Variants in CAMK1D observed in about 807,000 individuals in gnomAD.
The protein encoded by CAMK1D is calcium/calmodulin dependent protein kinase ID.
A neutral mutation model predicts 47.7 loss-of-function variants in CAMK1D; 9 were observed. The observed-to-expected ratio is 0.19, with a 90% confidence interval of 0.11 to 0.33. The LOEUF is 0.33. CAMK1D is among the 10% of genes least tolerant of loss of function. The pLI is 1.00. For missense variants in CAMK1D, 291 were observed against 488.7 expected, an observed-to-expected ratio of 0.60 and a Z score of 3.81; for synonymous variants, 184 against 184.9, an observed-to-expected ratio of 0.99 and a Z score of 0.04.
At chr10:12,689,675 C>T (rs1832796347) in intron 3 of CAMK1D, among the ~76,000 whole-genome samples, 1 of 151,764 alleles carries the variant, frequency 6.6e-6, no homozygotes, top group Non-Finnish European at 1.5e-5. Flanking sequence ...ACTCGGGAGG[C>T]TAAGGCAGGA....
intron 3 of CAMK1D, among the ~76,000 whole-genome samples, chr10:12,694,966 G>C (rs781754299): frequency 2.6e-5 from 4 of 151,814 alleles, no homozygotes; most frequent in Non-Finnish European, 5.9e-5. Flanking sequence ...AAATAAGTAA[G>C]TAAATAAATA....
intron 1 of CAMK1D, among the ~76,000 whole-genome samples, chr10:12,426,344 T>G (rs372883749): frequency 1.3e-5 from 2 of 152,162 alleles, no homozygotes; most frequent in African/African-American, 4.8e-5. Context: ...CCTCCCAGGT[T>G]CAAGTGATTC....
At chr10:12,385,060 T>C (rs1838450173) in intron 1 of CAMK1D, among the ~76,000 whole-genome samples, 1 of 152,216 alleles carries the variant, frequency 6.6e-6, no homozygotes, top group African/African-American at 2.4e-5. Flanking sequence ...TAGATGTCAC[T>C]TCATACCCGC....
chr10:12,822,499 G>T (rs1450534903), intron 8 of CAMK1D, among the ~76,000 whole-genome samples: 3 of 152,248 alleles, frequency 2.0e-5, no homozygotes, highest in African/African-American at 7.2e-5. Flanking sequence ...CAGGCCACGG[G>T]CCGTGGGGTC....
chr10:12,558,800 T>C (rs1836846398), intron 2 of CAMK1D, among the ~76,000 whole-genome samples: 1 of 152,158 alleles, frequency 6.6e-6, no homozygotes, highest in Non-Finnish European at 1.5e-5. Context: ...GGCACCAGAA[T>C]TCAACATGCT....
intron 1 of CAMK1D, among the ~76,000 whole-genome samples, chr10:12,432,681 G>A (rs140755420): frequency 1.2e-3 from 180 of 152,330 alleles, no homozygotes; most frequent in African/African-American, 4.2e-3. Context: ...AAATGAATGG[G>A]TGAGTTGAAT....
intron 3 of CAMK1D, among the ~76,000 whole-genome samples, chr10:12,697,346 T>C (rs970430209): frequency 1.2e-4 from 19 of 152,198 alleles, no homozygotes; most frequent in African/African-American, 4.6e-4. Flanking sequence ...AGATGGAGAA[T>C]AGGAGACTAG....
chr10:12,544,823 A>AC (rs1836309848), intron 1 of CAMK1D, among the ~76,000 whole-genome samples: 1 of 125,238 alleles, frequency 8.0e-6, no homozygotes, highest in South Asian at 2.8e-4. Context: ...AGTGGATAGT[A>AC]CTAGTGTTAA....
chr10:12,734,360 A>C (rs1220461014), intron 3 of CAMK1D, among the ~76,000 whole-genome samples: 112 of 6,428 alleles, frequency 0.017, 14 homozygotes, highest in African/African-American at 0.049. Context: ...ATATATATAT[A>C]TATATATATA....
chr10:12,788,152 T>C (rs563009430), intron 5 of CAMK1D, among the ~76,000 whole-genome samples: 139 of 152,362 alleles, frequency 9.1e-4, no homozygotes, highest in South Asian at 8.9e-3. Context: ...ATAACAACCA[T>C]GCTGTTATCC....
At chr10:12,432,326 A>C (rs758917716) in intron 1 of CAMK1D, among the ~76,000 whole-genome samples, 5 of 152,184 alleles carry the variant, frequency 3.3e-5, no homozygotes, top group Non-Finnish European at 7.3e-5. Flanking sequence ...AACTTAGTCC[A>C]AGGTTTATTT....
chr10:12,761,128 C>G, intron 4 of CAMK1D, 42 bp downstream of exon 4: 1 of 1,601,590 alleles, frequency 6.2e-7, no homozygotes, highest in Non-Finnish European at 8.5e-7. Context: ...CACTCTGCAG[C>G]CCGCAATGCA....
chr10:12,360,216 G>A (rs950847229), intron 1 of CAMK1D, among the ~76,000 whole-genome samples: 2 of 152,134 alleles, frequency 1.3e-5, no homozygotes, highest in African/African-American at 4.8e-5. Context: ...ACAATAAATT[G>A]GATTTGGTGC....
chr10:12,711,959 T>C (rs1833954664), intron 3 of CAMK1D, among the ~76,000 whole-genome samples: 1 of 152,238 alleles, frequency 6.6e-6, no homozygotes, highest in Admixed American at 6.5e-5. Flanking sequence ...AATTTCAGAT[T>C]TTCTGTGTGC....
intron 3 of CAMK1D, among the ~76,000 whole-genome samples, chr10:12,746,162 A>G (rs1047133902): frequency 7.1e-6 from 1 of 140,420 alleles, no homozygotes; most frequent in Non-Finnish European, 1.5e-5. Flanking sequence ...CAGGAGGTGG[A>G]GATCATCCTG....
At chr10:12,782,908 T>C (rs1465750311) in intron 5 of CAMK1D, among the ~76,000 whole-genome samples, 1 of 152,204 alleles carries the variant, frequency 6.6e-6, no homozygotes, top group Non-Finnish European at 1.5e-5. Flanking sequence ...GCCCAGCCTA[T>C]AATCCTGTCC....
chr10:12,487,126 G>A (rs888573228), intron 1 of CAMK1D, among the ~76,000 whole-genome samples: 1 of 152,114 alleles, frequency 6.6e-6, no homozygotes, highest in Admixed American at 6.6e-5. Context: ...CAACTACTAA[G>A]CCTAGTAACC....
intron 2 of CAMK1D, among the ~76,000 whole-genome samples, chr10:12,572,511 G>C (rs1016310382): frequency 1.3e-5 from 2 of 152,220 alleles, no homozygotes; most frequent in African/African-American, 2.4e-5. Flanking sequence ...CTGTGGTGGT[G>C]TGTGGGATGG....
At chr10:12,596,295 A>G (rs2132375813) in intron 2 of CAMK1D, among the ~76,000 whole-genome samples, 1 of 152,290 alleles carries the variant, frequency 6.6e-6, no homozygotes, top group East Asian at 1.9e-4. Flanking sequence ...CTTTGGCAGC[A>G]TGAGCAGTGG....
Sources: allele counts gnomAD v4.1 joint callset (sites outside exome capture counted in the v4.1 genomes callset), GRCh38; gene constraint gnomAD v4.1.1; transcripts MANE v1.5; gene names NCBI Gene and HGNC (gene_info 2026-07-23, HGNC 2026-07-21).